Variants in ARHGAP18 observed in about 807,000 individuals in gnomAD.
The protein encoded by ARHGAP18 is Rho GTPase activating protein 18, also known as rho GTPase-activating protein 18.
In ARHGAP18, 67 loss-of-function variants were observed where a neutral mutation model predicts 86.2. The observed-to-expected ratio is 0.78, with a 90% confidence interval of 0.64 to 0.95. The LOEUF (loss-of-function observed/expected upper bound fraction) is 0.95. Among genes scored for constraint, ARHGAP18 ranks in the 40% least tolerant of loss-of-function variants. The pLI is 0.00. For missense variants in ARHGAP18, 691 were observed against 780.4 expected (o/e 0.89, Z 1.37); for synonymous variants, 283 against 280.4 (o/e 1.01, Z -0.09).
At chr6:129,632,204 T>G (rs1407306347) in intron 4 of ARHGAP18, among the ~76,000 whole-genome samples, 1 of 152,228 alleles carries the variant, frequency 6.6e-6, no homozygotes, top group Non-Finnish European at 1.5e-5. Flanking sequence ...GAGCATGGCA[T>G]TGCCCAGAAC....
intron 12 of ARHGAP18, among the ~76,000 whole-genome samples, chr6:129,596,150 C>T (rs1054752735): frequency 5.9e-5 from 9 of 152,122 alleles, no homozygotes; most frequent in Non-Finnish European, 1.3e-4. Context: ...CTTCAAACCC[C>T]CATTTCACTC....
chr6:129,614,866 T>C (rs979717186), intron 7 of ARHGAP18, among the ~76,000 whole-genome samples: 4 of 151,812 alleles, frequency 2.6e-5, no homozygotes, highest in Admixed American at 6.6e-5. Context: ...AAGATTTTGG[T>C]TTCCCAAAGA....
At chr6:129,687,879 T>G (rs1193220663) in intron 1 of ARHGAP18, among the ~76,000 whole-genome samples, 1 of 152,148 alleles carries the variant, frequency 6.6e-6, no homozygotes, top group Admixed American at 6.5e-5. Flanking sequence ...GTTTTGTAAC[T>G]CACCCACGGT....
intron 4 of ARHGAP18, among the ~76,000 whole-genome samples, chr6:129,630,807 A>G (rs1443141458): frequency 6.6e-6 from 1 of 152,174 alleles, no homozygotes; most frequent in African/African-American, 2.4e-5. Flanking sequence ...CCTGAAATGT[A>G]AATAAGAGGC....
intron 13 of ARHGAP18, among the ~76,000 whole-genome samples, chr6:129,583,677 T>A (rs1011103820): frequency 6.6e-6 from 1 of 152,102 alleles, no homozygotes; most frequent in South Asian, 2.1e-4. Flanking sequence ...AATCAACATA[T>A]CCTGGAAAGA....
chr6:129,668,036 A>AC (rs903668940), intron 1 of ARHGAP18, among the ~76,000 whole-genome samples: 12 of 152,320 alleles, frequency 7.9e-5, no homozygotes, highest in African/African-American at 2.6e-4. Flanking sequence ...TGTATGTCAA[A>AC]TGCCCCTTGG....
chr6:129,615,412 T>C (rs1304506551), intron 7 of ARHGAP18, among the ~76,000 whole-genome samples: 1 of 152,182 alleles, frequency 6.6e-6, no homozygotes, highest in Non-Finnish European at 1.5e-5. Flanking sequence ...GGTTAGTAGG[T>C]AAGACGGAAT....
rs138280413 is a variant in ARHGAP18, at chr6:129,674,419, T to C, written c.114-32401A>G. Among the ~76,000 whole-genome samples the C allele has an allele frequency of 2.4e-3, 373 of 152,358 alleles. 2 individuals carry two copies. The highest frequency in any genetic ancestry group is 0.014 in the Middle Eastern group (4 of 294). ...CTACAAAAAATGTACTGAATTATTT[T>C]TCTGTGACACGACTGATTAAACAGC... On this transcript the variant is annotated intron_variant, in intron 1 of 14. Coordinates refer to ENST00000368149, the MANE Select transcript of ARHGAP18 (RefSeq NM_033515.3).
intron 1 of ARHGAP18, among the ~76,000 whole-genome samples, chr6:129,707,422 A>G (rs1024419977): frequency 2.6e-5 from 4 of 152,166 alleles, no homozygotes; most frequent in African/African-American, 9.7e-5. Context: ...TATAATTTTT[A>G]AATGGGTAGG....
At chr6:129,665,650 A>G (rs1391972114) in intron 1 of ARHGAP18, among the ~76,000 whole-genome samples, 1 of 152,218 alleles carries the variant, frequency 6.6e-6, no homozygotes, top group Non-Finnish European at 1.5e-5. Flanking sequence ...AATGCTCTAA[A>G]ATACAAACAG....
intron 7 of ARHGAP18, among the ~76,000 whole-genome samples, chr6:129,613,707 T>G (rs969870589): frequency 6.6e-6 from 1 of 152,184 alleles, no homozygotes; most frequent in African/African-American, 2.4e-5. Context: ...CTTATATATC[T>G]CACTGAAAAT....
intron 1 of ARHGAP18, among the ~76,000 whole-genome samples, chr6:129,692,934 A>G (rs1774551645): frequency 6.6e-6 from 1 of 152,246 alleles, no homozygotes; most frequent in African/African-American, 2.4e-5. Flanking sequence ...CCCACCAGCC[A>G]GCCCTCATTC....
intron 13 of ARHGAP18, among the ~76,000 whole-genome samples, chr6:129,581,605 T>G (rs926022734): frequency 2.0e-5 from 3 of 152,216 alleles, no homozygotes; most frequent in Non-Finnish European, 4.4e-5. Context: ...CTAGATTTCC[T>G]GGTATATTCA....
intron 5 of ARHGAP18, among the ~76,000 whole-genome samples, chr6:129,622,857 C>T (rs778990737): frequency 1.3e-5 from 2 of 151,498 alleles, no homozygotes; most frequent in Non-Finnish European, 2.9e-5. Flanking sequence ...AAAAACTAGC[C>T]GGGCGTGGTG....
intron 5 of ARHGAP18, among the ~76,000 whole-genome samples, chr6:129,625,392 T>TTATATA: frequency 1.8e-5 from 1 of 54,270 alleles, no homozygotes; most frequent in Non-Finnish European, 3.0e-5. Context: ...ATTATATATT[T>TTATATA]ATACATATGT....
At chr6:129,585,160 GC>G (rs11317845) in intron 12 of ARHGAP18, among the ~76,000 whole-genome samples, 151,639 of 152,130 alleles carry the variant, frequency 1, 75,576 homozygotes, top group East Asian at 1. Context: ...GTGTGGTGGT[GC>G]CCCACCTGTA....
At chr6:129,607,838 A>G (rs1275641722) in intron 9 of ARHGAP18, 55 bp downstream of exon 9, 17 of 1,498,478 alleles carry the variant, frequency 1.1e-5, no homozygotes, top group Non-Finnish European at 1.3e-5. Context: ...TCATTAAAAC[A>G]ATTAACATAG....
chr6:129,674,153 A>T (rs886677208), intron 1 of ARHGAP18, among the ~76,000 whole-genome samples: 15 of 152,252 alleles, frequency 9.9e-5, no homozygotes, highest in Non-Finnish European at 2.2e-4. Flanking sequence ...TCATTATTAT[A>T]ACCACCTGGT....
chr6:129,599,374 T>C lies in ARHGAP18; in HGVS notation c.1573-18A>G. 1 of 1,494,780 alleles carries C rather than the reference T, an allele frequency of 6.7e-7. No individual in the cohort carries two copies. The highest frequency in any genetic ancestry group is 8.9e-7 in the Non-Finnish European group (1 of 1,125,734). The allele number at this position is 1,494,780 out of a possible 1,614,324, so 92.6% of individuals were successfully genotyped here. A position where few individuals can be genotyped will look rare whatever the true frequency, so the allele number is the denominator to read the frequency against. Reference sequence around the variant, plus strand: ...TTGGGAATCTATAGAGAAAAGGAATTAAGCTTAGAGAGGAAAAAGAAATGC... The same window carrying C: ...TTGGGAATCTATAGAGAAAAGGAATCAAGCTTAGAGAGGAAAAAGAAATGC... On this transcript the variant is annotated intron_variant, in intron 11 of 14. Coordinates refer to ENST00000368149, the MANE Select transcript of ARHGAP18 (RefSeq NM_033515.3).
Sources: gnomAD v4.1 joint callset for allele counts (sites outside exome capture counted in the v4.1 genomes callset) on GRCh38, gnomAD v4.1.1 for gene constraint, MANE v1.5 for transcripts, NCBI Gene and HGNC (gene_info 2026-07-23, HGNC 2026-07-21) for gene names.